MYCBP2: variants seen among roughly 807,000 people sequenced by gnomAD.
The protein encoded by MYCBP2 is E3 ubiquitin-protein ligase MYCBP2.
MYCBP2 carries 120 observed loss-of-function variants against 525.3 expected under a neutral mutation model. That is an observed-to-expected ratio of 0.23 (90% CI 0.20 to 0.27). The LOEUF is 0.27. Ranked by LOEUF, MYCBP2 falls within the 10% of genes least tolerant of loss-of-function variation. The pLI is 1.00. For synonymous variants in MYCBP2, 1,894 were observed against 1,955.8 expected (o/e 0.97, Z 0.83); for missense variants, 4,149 against 5,657.1 (o/e 0.73, Z 8.55).
chr13:77,192,621 C>T (rs2061391786), intron 27 of MYCBP2, among the ~76,000 whole-genome samples: 1 of 152,050 alleles, frequency 6.6e-6, no homozygotes, highest in East Asian at 1.9e-4. Context: ...CAGGAAATGA[C>T]AAGGTGTTCA....
At chr13:77,171,438 A>C in intron 38 of MYCBP2, 54 bp downstream of exon 38, 1 of 1,553,808 alleles carries the variant, frequency 6.4e-7, no homozygotes, top group East Asian at 2.3e-5. Flanking sequence ...TCTATGCAAA[A>C]ATTTAGTGAA....
intron 21 of MYCBP2, among the ~76,000 whole-genome samples, chr13:77,216,069 T>C (rs965883291): frequency 1.3e-5 from 2 of 152,042 alleles, no homozygotes; most frequent in Non-Finnish European, 2.9e-5. Context: ...CTGTACAAGA[T>C]AAACCCTGAA....
intron 27 of MYCBP2, among the ~76,000 whole-genome samples, chr13:77,192,016 T>C (rs2061343866): frequency 6.6e-6 from 1 of 152,258 alleles, no homozygotes; most frequent in Non-Finnish European, 1.5e-5. Context: ...TAGAATTACA[T>C]TTCTTCCTCC....
At chr13:77,082,025 A>G (rs1168464708) in intron 63 of MYCBP2, 32 bp from the exon 64 acceptor site, 4 of 1,593,722 alleles carry the variant, frequency 2.5e-6, no homozygotes, top group African/African-American at 1.4e-5. Flanking sequence ...AATATACGAA[A>G]TAATTATTTT....
chr13:77,140,819 C>A (rs763298953), intron 50 of MYCBP2, 27 bp downstream of exon 50: 1 of 1,526,590 alleles, frequency 6.6e-7, no homozygotes, highest in South Asian at 1.2e-5. Context: ...TTGAATGATT[C>A]CGGCTCTCAA....
intron 1 of MYCBP2, among the ~76,000 whole-genome samples, chr13:77,316,423 C>G (rs1951983317): frequency 6.6e-6 from 1 of 152,166 alleles, no homozygotes; most frequent in Admixed American, 6.5e-5. Flanking sequence ...CATATTGGAA[C>G]TAGGGAAGAG....
chr13:77,185,320 G>T lies in MYCBP2; in HGVS notation c.4502C>A (p.Thr1501Asn), dbSNP rs1404546175. The change falls in exon 32 of 83, where the codon ACC (threonine) becomes AAC (asparagine). Residue 1501 changes from threonine to asparagine, a missense_variant. Physicochemically the swap from Thr to Asn is moderately conservative, Grantham distance 65. Coordinates refer to ENST00000544440, the MANE Select transcript of MYCBP2 (RefSeq NM_015057.5). ...TAAAATTTTTCTTAACAAAGTTCTG[G>T]TTTTTCCAATACACTCTGCTAATTT... ...TSKLAECIGKTRTLLRKILSE... is the reference protein window; with the variant it reads ...TSKLAECIGKNRTLLRKILSE... 1.9e-6 allele frequency: 3 copies of T among 1,613,796 alleles called. No homozygotes were observed. Among genetic ancestry groups the T allele is most frequent in the Admixed American group, 1.7e-5 (1 of 60,002 alleles).
At chr13:77,159,570 G>A (rs973994881) in intron 44 of MYCBP2, among the ~76,000 whole-genome samples, 2 of 152,124 alleles carry the variant, frequency 1.3e-5, no homozygotes, top group Non-Finnish European at 2.9e-5. Context: ...GTGACCTGGC[G>A]GGAGGTGACT....
chr13:77,222,160 CT>C (rs944493267), intron 20 of MYCBP2, among the ~76,000 whole-genome samples: 33 of 152,148 alleles, frequency 2.2e-4, no homozygotes, highest in African/African-American at 7.0e-4. Context: ...GATTCAGCCT[CT>C]GCATTTCAGT....
chr13:77,129,024 C>T (rs2052237665), intron 52 of MYCBP2: 1 of 388,078 alleles, frequency 2.6e-6, no homozygotes, highest in South Asian at 1.4e-4. Flanking sequence ...AACTCAATTG[C>T]AGCACTTCAT....
chr13:77,167,236 TATATAA>T (rs1483798382), intron 40 of MYCBP2, among the ~76,000 whole-genome samples: 8 of 152,114 alleles, frequency 5.3e-5, no homozygotes, highest in African/African-American at 1.2e-4. Flanking sequence ...TGTATATACA[TATATAA>T]ATATAACATG....
chr13:77,137,011 C>T (rs1165214300), intron 52 of MYCBP2, among the ~76,000 whole-genome samples: 1 of 152,136 alleles, frequency 6.6e-6, no homozygotes, highest in Non-Finnish European at 1.5e-5. Flanking sequence ...CAAAAAAACC[C>T]TAGCTTCCTA....
At chr13:77,296,575 C>T in intron 2 of MYCBP2, 24 bp downstream of exon 2, 1 of 1,565,126 alleles carries the variant, frequency 6.4e-7, no homozygotes, top group Non-Finnish European at 8.6e-7. Flanking sequence ...AGTCCTATTC[C>T]TTATCAATTA....
Position 77,081,602 on chromosome 13 carries a change from A to G in MYCBP2, c.11243T>C (p.Ile3748Thr). 1.9e-6 allele frequency: 3 copies of G among 1,613,698 alleles called. No homozygotes were observed. Among genetic ancestry groups the G allele is most frequent in the Non-Finnish European group, 1.7e-6 (2 of 1,179,884 alleles). ...CLKDLTSIVDIKTSSRPAMIG... is the reference protein window; with the variant it reads ...CLKDLTSIVDTKTSSRPAMIG... ...CATGGCAGGTCGGCTTGAAGTTTTT[A>G]TGTCAACAATGCTGGTTAAGTCCTT... Residue 3748 changes from isoleucine to threonine, a missense_variant, in exon 65 of 83, where the codon ATA becomes ACA. Ile to Thr is a moderately conservative substitution (Grantham distance 89). Transcript: ENST00000544440. This position sits in a 1 kb window ranked among gnomAD's most constrained non-coding sequence, Gnocchi z 4.6.
At chr13:77,266,281 G>A (rs776343396) in intron 8 of MYCBP2, among the ~76,000 whole-genome samples, 8 of 152,092 alleles carry the variant, frequency 5.3e-5, no homozygotes, top group Admixed American at 2.0e-4. Context: ...AAGACAGCAC[G>A]ATAGGAACGC....
intron 18 of MYCBP2, among the ~76,000 whole-genome samples, chr13:77,231,059 C>CA (rs1566989295): frequency 6.6e-6 from 1 of 151,722 alleles, no homozygotes; most frequent in African/African-American, 2.4e-5. Context: ...ATACTCTTCA[C>CA]AAAAAAATAG....
intron 52 of MYCBP2, among the ~76,000 whole-genome samples, chr13:77,132,205 G>A (rs943640882): frequency 3.9e-5 from 6 of 151,998 alleles, no homozygotes; most frequent in African/African-American, 4.8e-5. Flanking sequence ...ATTAAAACAC[G>A]GGTTATGTAT....
At chr13:77,076,625 GAAC>G (rs1174672902) in intron 68 of MYCBP2, 123 bp downstream of exon 68, 2 of 570,018 alleles carry the variant, frequency 3.5e-6, no homozygotes, top group African/African-American at 3.9e-5. Flanking sequence ...ATCTTTCTAA[GAAC>G]AAATATGAAC....
intron 37 of MYCBP2, among the ~76,000 whole-genome samples, chr13:77,172,484 C>T (rs915313544): frequency 2.0e-5 from 3 of 152,104 alleles, no homozygotes; most frequent in African/African-American, 7.2e-5. Context: ...TCAGATCACT[C>T]TGGCTGTGCT....
Sources: gnomAD v4.1 joint callset for allele counts (sites outside exome capture counted in the v4.1 genomes callset) on GRCh38, gnomAD v4.1.1 for gene constraint, Gnocchi (gnomAD v3.1) non-coding constraint, MANE v1.5 for transcripts, NCBI Gene and HGNC (gene_info 2026-07-23, HGNC 2026-07-21) for gene names.